PP2D1: variants seen among roughly 807,000 people sequenced by gnomAD.
PP2D1 encodes protein phosphatase 2C like domain containing 1, also known as protein phosphatase 2C-like domain-containing protein 1.
PP2D1 carries 25 observed loss-of-function variants against 30.2 expected under a neutral mutation model. The observed-to-expected ratio is 0.83, with a 90% CI of 0.60 to 1.16. The LOEUF is 1.16. Ranked by LOEUF, PP2D1 falls within the 50% of genes most tolerant of loss-of-function variation. The pLI is 0.00. For missense variants in PP2D1, 760 were observed against 742.4 expected (o/e 1.02, Z -0.28); for synonymous variants, 260 against 258.9 (o/e 1.00, Z -0.04).
At chr3:19,992,034 T>C (rs1483885634) in intron 2 of PP2D1, among the ~76,000 whole-genome samples, 2 of 152,174 alleles carry the variant, frequency 1.3e-5, no homozygotes, top group Non-Finnish European at 2.9e-5. Flanking sequence ...CTGTATCCAG[T>C]TTTTCTTCAG....
At chr3:20,007,882 T>C (rs1697339817) in intron 1 of PP2D1, 1 of 217,126 alleles carries the variant, frequency 4.6e-6, no homozygotes, top group African/African-American at 2.3e-5. Flanking sequence ...AATAATCTCC[T>C]AGTTGTAACT....
intron 2 of PP2D1, among the ~76,000 whole-genome samples, chr3:19,988,718 G>A (rs754992614): frequency 3.3e-5 from 5 of 152,120 alleles, no homozygotes; most frequent in Admixed American, 6.5e-5. Flanking sequence ...TGTCTCCCCC[G>A]GACACCCAGC....
chr3:19,988,130 AAAG>A (rs1380668198), intron 2 of PP2D1, among the ~76,000 whole-genome samples: 1 of 152,218 alleles, frequency 6.6e-6, no homozygotes, highest in Non-Finnish European at 1.5e-5. Flanking sequence ...CACCTTGAAA[AAAG>A]AGCAGGATAA....
Position 19,985,616 on chromosome 3 carries a change from A to T in PP2D1, c.1657T>A (p.Phe553Ile), listed in dbSNP as rs1378055270. Reference sequence around the variant, plus strand: ...TTACGATGAGTCGTTTCTGCTGGAAATGTTTCTACATTCTCAGGGTTATAA... The same window carrying T: ...TTACGATGAGTCGTTTCTGCTGGAATTGTTTCTACATTCTCAGGGTTATAA... ...CIYNPENVET[F>I]PAETTHRKPC... The change falls in exon 3 of 3, where the codon TTT becomes ATT. Residue 553 changes from phenylalanine to isoleucine, a missense_variant. Transcript: ENST00000389050. 3 of 1,535,994 alleles carry T rather than the reference A, an allele frequency of 2.0e-6. No homozygotes were observed. Among genetic ancestry groups the T allele is most frequent in the Non-Finnish European group, 2.6e-6 (3 of 1,146,778 alleles).
intron 1 of PP2D1, among the ~76,000 whole-genome samples, chr3:20,007,249 G>A (rs1229528161): frequency 3.3e-5 from 5 of 152,056 alleles, no homozygotes; most frequent in Non-Finnish European, 7.4e-5. Context: ...TTCTTATACT[G>A]TATTTTTATT....
intron 2 of PP2D1, among the ~76,000 whole-genome samples, chr3:19,989,887 A>G (rs1349576073): frequency 6.6e-6 from 1 of 152,228 alleles, no homozygotes; most frequent in African/African-American, 2.4e-5. Context: ...CTAGTATGTG[A>G]TTTGAAAAGA....
chr3:19,987,729 G>T lies in PP2D1; in HGVS notation c.1091-1547C>A, dbSNP rs1202480438. On this transcript the variant is annotated intron_variant, in intron 2 of 2. Coordinates refer to ENST00000389050, the MANE Select transcript of PP2D1 (RefSeq NM_001252657.2). ...GTTTGAGACCAGCTGGGGCAATATG[G>T]CAAAGCCCCATCTCTACTAAAAACA... 2.0e-5 allele frequency among the ~76,000 whole-genome samples: 3 copies of T among 152,162 alleles called. No individual in the cohort carries two copies. In the East Asian group the frequency reaches 5.8e-4, roughly 29 times the overall value.
Position 20,001,665 on chromosome 3 carries a change from T to C in PP2D1, c.455A>G (p.Asn152Ser), listed in dbSNP as rs1157625590. 1 of 1,535,946 alleles carries C rather than the reference T, an allele frequency of 6.5e-7. No homozygotes were observed. Among genetic ancestry groups the C allele is most frequent in the Non-Finnish European group, 8.7e-7 (1 of 1,146,830 alleles). ...QIPAYYKIFD[N>S]IDRSVIYSQK... The stretch of plus-strand genomic sequence containing the variant: ...AGAATATATGACACTCCTGTCAATG[T>C]TATCAAAAATCTTATAGTATGCTGG... Residue 152 changes from asparagine to serine, a missense_variant, in exon 2 of 3, where the codon AAC (asparagine) becomes AGC (serine). Coordinates refer to ENST00000389050, the MANE Select transcript of PP2D1 (RefSeq NM_001252657.2).
At position 19,985,938 on chromosome 3, in the gene PP2D1, G is replaced by T. The variant is rs755424867; in HGVS notation, c.1335C>A (p.Asp445Glu). 5.1e-5 allele frequency: 79 copies of T among 1,536,170 alleles called. No individual in the cohort carries two copies. The highest frequency in any genetic ancestry group is 6.5e-5 in the Non-Finnish European group (74 of 1,146,928). ...APQTISVPID[D>E]LCQFLIVATN... Reference sequence around the variant, plus strand: ...TAGCTACAATAAGGAATTGACATAGGTCATCTATAGGGACAGAAATAGTTT... The same window carrying T: ...TAGCTACAATAAGGAATTGACATAGTTCATCTATAGGGACAGAAATAGTTT... Residue 445 changes from aspartate to glutamate, a missense_variant, in exon 3 of 3, where the codon GAC becomes GAA. Asp to Glu is a conservative substitution (Grantham distance 45). Around this residue, in one of 3 missense-constraint regions of PP2D1, gnomAD observed 369 missense variants for 316.2 expected, o/e 1.17. Coordinates refer to ENST00000389050, the MANE Select transcript of PP2D1 (RefSeq NM_001252657.2).
chr3:19,985,654 G>C lies in PP2D1; in HGVS notation c.1619C>G (p.Ser540Cys). ...CTCAGGGTTATAAATACAGTATTTA[G>C]AATAGTTTGAATCGGATAAATTTTC... Reference protein sequence around the residue: ...SKENLSDSNYSKYCIYNPENV... With the variant: ...SKENLSDSNYCKYCIYNPENV... The change falls in exon 3 of 3, where the codon TCT becomes TGT. Residue 540 changes from serine (S) to cysteine (C), a missense_variant. Coordinates refer to ENST00000389050, the MANE Select transcript of PP2D1 (RefSeq NM_001252657.2). 3 of 1,535,456 alleles carry C rather than the reference G, an allele frequency of 2.0e-6. No individual in the cohort carries two copies. The highest frequency in any genetic ancestry group is 2.6e-6 in the Non-Finnish European group (3 of 1,146,364).
chr3:19,996,188 C>A (rs1434485228), intron 2 of PP2D1, among the ~76,000 whole-genome samples: 1 of 151,764 alleles, frequency 6.6e-6, no homozygotes, highest in Non-Finnish European at 1.5e-5. Flanking sequence ...GTCAATAAAC[C>A]ATTAGCTAGC....
At chr3:19,988,521 T>A (rs1245992361) in intron 2 of PP2D1, among the ~76,000 whole-genome samples, 1 of 152,208 alleles carries the variant, frequency 6.6e-6, no homozygotes, top group South Asian at 2.1e-4. Flanking sequence ...TTAGCAATTT[T>A]AATTTCACCC....
chr3:19,996,770 A>C (rs1194351610), intron 2 of PP2D1: 1 of 152,162 alleles, frequency 6.6e-6, no homozygotes, highest in Non-Finnish European at 1.5e-5. Context: ...CCAGGGATGC[A>C]AGGATGGTTC....
chr3:20,001,401 AT>A lies in PP2D1; in HGVS notation c.718del (p.Met240Ter), dbSNP rs1347545040. ...QLSKFDPSYQMTTDEQQIINS... is the reference protein window; with the variant it reads ...QLSKFDPSYQXTTDEQQIINS... ...GATTATTTGTTGCTCATCAGTTGTC[AT>A]TTGGTAAGAAGGATCAAATTTGGAA... On this transcript the variant is annotated frameshift_variant, in exon 2 of 3. Transcript: ENST00000389050. LOFTEE classifies it high-confidence loss of function. 270 of 1,536,678 alleles carry A rather than the reference AT, an allele frequency of 1.8e-4. No homozygotes were observed. The East Asian group carries it at 6.1e-3, about 34-fold the overall frequency.
At chr3:20,009,289 C>T (rs1158850636) in intron 1 of PP2D1, among the ~76,000 whole-genome samples, 1 of 151,946 alleles carries the variant, frequency 6.6e-6, no homozygotes, top group Non-Finnish European at 1.5e-5. Flanking sequence ...TAGTGAAACC[C>T]CTTCTCTACA....
intron 2 of PP2D1, among the ~76,000 whole-genome samples, chr3:19,997,419 G>C (rs1165687348): frequency 3.3e-5 from 5 of 150,674 alleles, no homozygotes; most frequent in Non-Finnish European, 7.4e-5. Context: ...CCCTGCTATG[G>C]TATGTATTTT....
intron 2 of PP2D1, among the ~76,000 whole-genome samples, chr3:19,987,700 A>T (rs1264871672): frequency 6.6e-6 from 1 of 152,188 alleles, no homozygotes; most frequent in Non-Finnish European, 1.5e-5. Context: ...ACTTGAAGCC[A>T]GAAGTTTGAG....
downstream of PP2D1, among the ~76,000 whole-genome samples, chr3:19,982,791 A>G (rs964877187): frequency 2.0e-5 from 3 of 151,880 alleles, no homozygotes; most frequent in East Asian, 1.9e-4. Context: ...GAGCATGTAT[A>G]TAGATGTTTT....
Position 19,986,182 on chromosome 3 carries a change from C to T in PP2D1, c.1091G>A (p.Gly364Asp). 6.9e-7 allele frequency: 1 copy of T among 1,457,382 alleles called. No homozygotes were observed. Among genetic ancestry groups the T allele is most frequent in the Non-Finnish European group, 9.0e-7 (1 of 1,111,676 alleles). 90.3% of individuals were successfully genotyped at this position (1,457,382 alleles called of 1,614,324 possible). Residue 364 changes from glycine to aspartate, a missense_variant and splice_region_variant, in exon 3 of 3, where the codon GGT becomes GAT. Gly to Asp is a moderately conservative substitution (Grantham distance 94). This residue lies in a region of PP2D1 where 369 missense variants were observed against 316.2 expected (regional missense o/e 1.17). Transcript: ENST00000389050. ...TCTGCATAAGACTGCTTGCACATTA[C>T]CTAAAAGATTATTTTTTAAAAGAAG... The part of the protein sequence containing the change: ...ISGILHVANT[G>D]NVQAVLCRNG...
Sources: allele counts gnomAD v4.1 joint callset (sites outside exome capture counted in the v4.1 genomes callset), GRCh38; gene constraint gnomAD v4.1.1; regional missense constraint gnomAD v4.1.1; transcripts MANE v1.5; gene names NCBI Gene and HGNC (gene_info 2026-07-23, HGNC 2026-07-21).